DAB1: variants seen among roughly 807,000 people sequenced by gnomAD.
The protein encoded by DAB1 is DAB adaptor protein 1.
Under a neutral mutation model 64.6 loss-of-function variants are expected in DAB1, and 15 were observed. That is an observed-to-expected ratio of 0.23 (90% CI 0.16 to 0.36). DAB1 has a LOEUF of 0.36. Ranked by LOEUF, DAB1 falls within the 10% of genes least tolerant of loss-of-function variation. DAB1 has a pLI of 1.00. For synonymous variants in DAB1, 235 were observed against 251.9 expected (o/e 0.93, Z 0.64); for missense variants, 596 against 706.7 (o/e 0.84, Z 1.78).
intron 4 of DAB1, among the ~76,000 whole-genome samples, chr1:58,292,237 C>T (rs564261143): frequency 1.5e-4 from 23 of 152,176 alleles, no homozygotes; most frequent in Non-Finnish European, 2.8e-4. Context: ...TCTCAGCTTC[C>T]GTAATTGTGT....
chr1:58,446,596 A>G (rs557649018), intron 3 of DAB1, among the ~76,000 whole-genome samples: 1 of 152,308 alleles, frequency 6.6e-6, no homozygotes, highest in Admixed American at 6.5e-5. Flanking sequence ...TTTAACCATG[A>G]ACCTTTTAGC....
At chr1:57,729,032 G>C (rs1172252376) in intron 6 of DAB1, among the ~76,000 whole-genome samples, 63 of 152,122 alleles carry the variant, frequency 4.1e-4, no homozygotes, top group Admixed American at 4.1e-3. Flanking sequence ...ATAGCTTTAG[G>C]TATTTTCCAG....
chr1:58,470,064 A>G (rs1282594327), intron 3 of DAB1, among the ~76,000 whole-genome samples: 1 of 151,766 alleles, frequency 6.6e-6, no homozygotes, highest in Non-Finnish European at 1.5e-5. Flanking sequence ...CCCATTTGAC[A>G]AAGAGGGAAT....
chr1:57,700,772 G>A (rs1302641161), intron 6 of DAB1, among the ~76,000 whole-genome samples: 1 of 152,044 alleles, frequency 6.6e-6, no homozygotes, highest in East Asian at 1.9e-4. Flanking sequence ...CTTTGAATAT[G>A]CTTTCTATCC....
intron 3 of DAB1, among the ~76,000 whole-genome samples, chr1:58,478,774 G>A (rs1158336891): frequency 6.6e-6 from 1 of 152,174 alleles, no homozygotes; most frequent in African/African-American, 2.4e-5. Context: ...AGATCGGGTT[G>A]AGTTTGTGCC....
intron 7 of DAB1, among the ~76,000 whole-genome samples, chr1:57,461,692 G>A (rs190571850): frequency 6.6e-6 from 1 of 152,242 alleles, no homozygotes; most frequent in East Asian, 1.9e-4. Context: ...TTCACTTTCT[G>A]CTGAAGGCTG....
At chr1:57,248,405 G>A (rs1033669504) in intron 2 of DAB1, among the ~76,000 whole-genome samples, 20 of 151,608 alleles carry the variant, frequency 1.3e-4, no homozygotes, top group Admixed American at 1.2e-3. Context: ...ACTCCTTTAG[G>A]GCTGAATCTA....
At chr1:58,321,110 C>T (rs1013498300) in intron 4 of DAB1, among the ~76,000 whole-genome samples, 4 of 152,186 alleles carry the variant, frequency 2.6e-5, no homozygotes, top group African/African-American at 9.6e-5. Context: ...CTCTGAGTCA[C>T]CTCATCATCC....
intron 5 of DAB1, among the ~76,000 whole-genome samples, chr1:57,987,830 G>GT (rs147301036): frequency 0.025 from 3,633 of 143,266 alleles, 58 homozygotes; most frequent in South Asian, 0.053. Flanking sequence ...AAGTGAGAGG[G>GT]TTTTTTTGTT....
In DAB1 at chr1:57,136,988, A is replaced by G. The variant is rs1658183819; in HGVS notation, c.208-347T>C. ...TAATGTCTTTTCTGGGTTTTATATT[A>G]GATATGGTTTCAATCTTTTAAATGA... On this transcript the variant is annotated intron_variant, in intron 3 of 14. Coordinates refer to ENST00000371236, the MANE Select transcript of DAB1 (RefSeq NM_001365792.1). Among the ~76,000 whole-genome samples, 3 of 152,160 alleles carry G rather than the reference A, an allele frequency of 2.0e-5. No individual in the cohort carries two copies. The South Asian group carries it at 6.2e-4, about 31-fold the overall frequency.
At position 57,094,479 on chromosome 1, in the gene DAB1, C is replaced by A. The variant is rs571132888; in HGVS notation, c.307-22065G>T. On this transcript the variant is annotated intron_variant, in intron 4 of 14. Transcript: ENST00000371236. Reference sequence around the variant, plus strand: ...AAGCATCTTCTAGTTGACCATCTACCGAGGTAAGAGGGCCTGAGGTCAGAG... The same window carrying A: ...AAGCATCTTCTAGTTGACCATCTACAGAGGTAAGAGGGCCTGAGGTCAGAG... Among the ~76,000 whole-genome samples the A allele has an allele frequency of 2.6e-5, 4 of 152,206 alleles. No homozygotes were observed. The East Asian group carries it at 7.7e-4, about 29-fold the overall frequency.
chr1:57,603,058 C>T (rs1330100311), intron 7 of DAB1, among the ~76,000 whole-genome samples: 1 of 152,136 alleles, frequency 6.6e-6, no homozygotes, highest in East Asian at 1.9e-4. Context: ...CTGCAACTTC[C>T]GCCTCCTGGG....
At chr1:57,526,986 C>T (rs1308728164) in intron 7 of DAB1, among the ~76,000 whole-genome samples, 1 of 152,080 alleles carries the variant, frequency 6.6e-6, no homozygotes, top group Non-Finnish European at 1.5e-5. Flanking sequence ...TAATACTCAC[C>T]TCAACCTTGT....
chr1:57,776,047 ATTCCAACCATTTAC>A (rs1032383988), intron 6 of DAB1, among the ~76,000 whole-genome samples: 1 of 151,740 alleles, frequency 6.6e-6, no homozygotes, highest in Admixed American at 6.6e-5. Context: ...TGATTGGCAT[ATTCCAACCATTTAC>A]TTTTAGCCTA....
At chr1:57,355,569 G>C (rs1679027222) in intron 1 of DAB1, among the ~76,000 whole-genome samples, 1 of 151,878 alleles carries the variant, frequency 6.6e-6, no homozygotes, top group Admixed American at 6.6e-5. Context: ...GCATGAGTGT[G>C]AACAATGTTT....
Position 58,189,628 on chromosome 1 carries a change from A to G in DAB1, n.310-39040T>C, listed in dbSNP as rs997373244. On this transcript the variant is annotated intron_variant and non_coding_transcript_variant, in intron 4 of 20. Transcript: ENST00000485760. ...GTTGCAGGTCCCCACTGACTTCCAA[A>G]GCAGGCAAACTGACAGCACTTTGGT... Among the ~76,000 whole-genome samples the G allele has an allele frequency of 2.6e-5, 4 of 152,338 alleles. No homozygotes were observed. In the South Asian group the frequency reaches 8.3e-4, roughly 32 times the overall value.
At chr1:58,531,378 G>A (rs1646431500) in intron 1 of DAB1, among the ~76,000 whole-genome samples, 1 of 152,052 alleles carries the variant, frequency 6.6e-6, no homozygotes, top group Non-Finnish European at 1.5e-5. Context: ...GAAAGAATCA[G>A]GTTCTATGAA....
At chr1:58,432,764 T>C (rs1312297348) in intron 3 of DAB1, among the ~76,000 whole-genome samples, 1 of 152,050 alleles carries the variant, frequency 6.6e-6, no homozygotes, top group Non-Finnish European at 1.5e-5. Flanking sequence ...TTCCTGGAGG[T>C]AGGAGGAGTC....
intron 1 of DAB1, among the ~76,000 whole-genome samples, chr1:57,335,552 G>C (rs1197839601): frequency 6.6e-6 from 1 of 152,168 alleles, no homozygotes; most frequent in South Asian, 2.1e-4. Context: ...GCCTGCCACT[G>C]TGTGCCATTT....
Sources: allele counts gnomAD v4.1 joint callset (sites outside exome capture counted in the v4.1 genomes callset), GRCh38; gene constraint gnomAD v4.1.1; transcripts MANE v1.5; gene names NCBI Gene and HGNC (gene_info 2026-07-23, HGNC 2026-07-21).